KMT2C: variants seen among roughly 807,000 people sequenced by gnomAD.
The protein encoded by KMT2C is lysine methyltransferase 2C.
Under a neutral mutation model 507.9 loss-of-function variants are expected in KMT2C, and 88 were observed. The observed-to-expected ratio is 0.17, with a 90% CI of 0.15 to 0.21. The LOEUF (loss-of-function observed/expected upper bound fraction) is 0.21. Among genes scored for constraint, KMT2C ranks in the 10% least tolerant of loss-of-function variants. The pLI, the probability that KMT2C is intolerant of heterozygous loss-of-function variation, is 1.00. For missense variants in KMT2C, 4,954 were observed against 5,957.8 expected, an observed-to-expected ratio of 0.83 and a Z score of 5.55; for synonymous variants, 2,049 against 2,080.8, an observed-to-expected ratio of 0.98 and a Z score of 0.42.
intron 1 of KMT2C, among the ~76,000 whole-genome samples, chr7:152,386,209 G>GAA (rs971685442): frequency 3.3e-4 from 44 of 134,880 alleles, no homozygotes; most frequent in East Asian, 2.3e-3. Context: ...TGTTAAAAAA[G>GAA]AAAAAAAAAA....
intron 37 of KMT2C, 31 bp from the exon 38 acceptor site, chr7:152,178,041 A>AAAAAAAAAAAAAGC (rs759074589): frequency 2.4e-6 from 3 of 1,276,154 alleles, no homozygotes; most frequent in African/African-American, 1.6e-5. Context: ...AAAAAAAAAA[A>AAAAAAAAAAAAAGC]AGCAAATAGG....
In KMT2C at chr7:152,151,001, G is replaced by A. The variant is rs2091571189; in HGVS notation, c.12673C>T (p.Arg4225Ter). ...TTCTCTACCCTCTTGGTGCTTTCTCGGGAATCCTGAAAAGCAAAGAGAAAT... is the reference window on the plus strand; with the variant it reads ...TTCTCTACCCTCTTGGTGCTTTCTCAGGAATCCTGAAAAGCAAAGAGAAAT... Reference protein sequence around the residue: ...KDLTLLNKDSRESTKRVEKDI... With the variant: ...KDLTLLNKDS The change falls in exon 51 of 59, where the codon CGA becomes TGA. Residue 4225 changes from arginine to a stop codon, truncating the protein, a stop_gained. Transcript: ENST00000262189. LOFTEE classifies it high-confidence loss of function. 1 of 1,599,004 alleles carries A rather than the reference G, an allele frequency of 6.3e-7. No individual in the cohort carries two copies. The highest frequency in any genetic ancestry group is 8.6e-7 in the Non-Finnish European group (1 of 1,169,444).
rs528554234 is a variant in KMT2C at position 152,246,702 on chromosome 7, T to C, written c.2532+1200A>G. Among the ~76,000 whole-genome samples the C allele has an allele frequency of 2.8e-4, 42 of 151,974 alleles. 1 individual carries two copies. Among genetic ancestry groups the C allele is most frequent in the African/African-American group, 9.7e-4 (40 of 41,446 alleles). ...TATTCAAAACAAAACAAAAAAAAAC[T>C]TACTAGAAAGGAGCACAACTGGTTT... On this transcript the variant is annotated intron_variant, in intron 14 of 58. Coordinates refer to ENST00000262189, the MANE Select transcript of KMT2C (RefSeq NM_170606.3).
intron 14 of KMT2C, among the ~76,000 whole-genome samples, chr7:152,245,029 T>A (rs2095446769): frequency 6.6e-6 from 1 of 152,232 alleles, no homozygotes; most frequent in African/African-American, 2.4e-5. Flanking sequence ...TGTCCTAACA[T>A]CTCACCTTCA....
At chr7:152,378,261 C>A (rs2097344079) in intron 1 of KMT2C, among the ~76,000 whole-genome samples, 1 of 152,180 alleles carries the variant, frequency 6.6e-6, no homozygotes, top group Non-Finnish European at 1.5e-5. Flanking sequence ...ACAGAGAAAT[C>A]TTTCATGAAA....
chr7:152,213,522 G>C (rs1427562316), intron 23 of KMT2C, among the ~76,000 whole-genome samples: 3 of 152,082 alleles, frequency 2.0e-5, no homozygotes, highest in Non-Finnish European at 4.4e-5. Flanking sequence ...GCAAAAGAAT[G>C]AAACTGGACC....
At position 152,181,164 on chromosome 7, in the gene KMT2C, A is replaced by G; in HGVS notation, c.6696T>C (p.Gly2232=). 23 of 1,613,872 alleles carry G rather than the reference A, an allele frequency of 1.4e-5. No homozygotes were observed. Among genetic ancestry groups the G allele is most frequent in the Non-Finnish European group, 1.8e-5 (21 of 1,179,974 alleles). Residue 2232 remains glycine (G), a synonymous_variant, in exon 36 of 59, where the codon GGT becomes GGC. Transcript: ENST00000262189. ...PATPRPRISE[G]FTRSSMTRPV... is the part of the protein sequence containing the mutation. ...GTCTTGTCATTGAGGACCTAGTAAA[A>G]CCCTCTGAAATCCTTGGCCTTGGTG...
chr7:152,177,701 T>C lies in KMT2C; in HGVS notation c.7752A>G (p.Ala2584=), dbSNP rs763904296. Residue 2584 remains alanine, a synonymous_variant, in exon 38 of 59, where the codon GCA becomes GCG. Transcript: ENST00000262189. ...AGTTTCCATGTCTCAGATTAGAAGA[T>C]GCCTCTACAACGCTGCCAGGTGGAG... ...FSAPPGSVVE[A]SSNLRHGNFI... 1.2e-6 allele frequency: 2 copies of C among 1,614,128 alleles called. No individual in the cohort carries two copies. Among genetic ancestry groups the C allele is most frequent in the Non-Finnish European group, 8.5e-7 (1 of 1,180,016 alleles).
intron 2 of KMT2C, among the ~76,000 whole-genome samples, chr7:152,357,455 C>G (rs2097161586): frequency 6.6e-6 from 1 of 152,020 alleles, no homozygotes; most frequent in Non-Finnish European, 1.5e-5. Context: ...ACCTGTGAAT[C>G]CAGGAGGCAG....
intron 34 of KMT2C, among the ~76,000 whole-genome samples, chr7:152,184,219 AAC>A (rs2093546376): frequency 6.6e-6 from 1 of 152,048 alleles, no homozygotes; most frequent in African/African-American, 2.4e-5. Flanking sequence ...GTCAAAATAA[AAC>A]ACAGCATATT....
At chr7:152,325,523 G>A (rs1240835307) in intron 3 of KMT2C, among the ~76,000 whole-genome samples, 4 of 151,560 alleles carry the variant, frequency 2.6e-5, no homozygotes, top group African/African-American at 9.7e-5. Context: ...TGCAGTGGCA[G>A]GATCACAGCT....
At chr7:152,173,840 C>T (rs965465844) in intron 39 of KMT2C, among the ~76,000 whole-genome samples, 1 of 152,148 alleles carries the variant, frequency 6.6e-6, no homozygotes, top group African/African-American at 2.4e-5. Flanking sequence ...AGAGCACAGA[C>T]CTAAATACTT....
In KMT2C at chr7:152,135,167, A is replaced by G. The variant is rs957600577; in HGVS notation, c.*1665T>C. 2 of 224,078 alleles carry G rather than the reference A, an allele frequency of 8.9e-6. No homozygotes were observed. The highest frequency in any genetic ancestry group is 1.8e-5 in the Non-Finnish European group (2 of 112,152). The allele number at this position is 224,078 out of a possible 1,614,324, so 13.9% of individuals were successfully genotyped here. A position where few individuals can be genotyped will look rare whatever the true frequency, so the allele number is the denominator to read the frequency against. The stretch of plus-strand genomic sequence containing the variant: ...TTCATACAGCTATTTATCAAGAGAA[A>G]AATATATACAATTGATTTATTCTGT... On this transcript the variant is annotated 3_prime_UTR_variant, in exon 59 of 59. Transcript: ENST00000262189.
chr7:152,147,329 T>A lies in KMT2C; in HGVS notation c.13895-594A>T, dbSNP rs535566780. Among the ~76,000 whole-genome samples, 43 of 152,210 alleles carry A rather than the reference T, an allele frequency of 2.8e-4. No homozygotes were observed. In the East Asian group the frequency reaches 7.9e-3, roughly 28 times the overall value. On this transcript the variant is annotated intron_variant, in intron 52 of 58. Transcript: ENST00000262189. ...TCTGATGTTCCTATACATTGTCTTA[T>A]GACAATGTATACAGTATGATTTAGA...
intron 2 of KMT2C, among the ~76,000 whole-genome samples, chr7:152,344,784 G>A (rs1217912491): frequency 1.3e-5 from 2 of 151,842 alleles, no homozygotes; most frequent in African/African-American, 4.8e-5. Context: ...TCAGGAGATC[G>A]AGACCATCCT....
intron 26 of KMT2C, 45 bp from the exon 27 acceptor site, chr7:152,199,504 A>G (rs755366970): frequency 1.6e-6 from 2 of 1,233,194 alleles, no homozygotes; most frequent in Admixed American, 2.7e-5. Context: ...AAAATTCTAA[A>G]AAGACAATAG....
intron 6 of KMT2C, among the ~76,000 whole-genome samples, chr7:152,302,078 C>G (rs1351342755): frequency 6.6e-6 from 1 of 152,046 alleles, no homozygotes; most frequent in East Asian, 1.9e-4. Flanking sequence ...ACTCTTCTCA[C>G]AGAACTAAGT....
intron 2 of KMT2C, among the ~76,000 whole-genome samples, chr7:152,357,792 C>G (rs536778240): frequency 3.0e-4 from 45 of 152,228 alleles, no homozygotes; most frequent in African/African-American, 1.1e-3. Flanking sequence ...TATATAATAG[C>G]AACACATCTG....
At chr7:152,380,240 C>CA (rs1158974053) in intron 1 of KMT2C, among the ~76,000 whole-genome samples, 935 of 56,856 alleles carry the variant, frequency 0.016, 8 homozygotes, top group African/African-American at 0.036. Context: ...ACTCCATCTC[C>CA]AAAAAAAAAA....
Sources: allele counts gnomAD v4.1 joint callset (sites outside exome capture counted in the v4.1 genomes callset), GRCh38; gene constraint gnomAD v4.1.1; transcripts MANE v1.5; gene names NCBI Gene and HGNC (gene_info 2026-07-23, HGNC 2026-07-21).